TRIM71: variants seen among roughly 807,000 people sequenced by gnomAD.
The protein encoded by TRIM71 is tripartite motif containing 71.
In TRIM71, 9 loss-of-function variants were observed where a neutral mutation model predicts 61.2. The ratio of observed to expected loss-of-function variants is 0.15; its 90% CI spans 0.09 to 0.26. The LOEUF (loss-of-function observed/expected upper bound fraction) is 0.26. Among genes scored for constraint, TRIM71 ranks in the 10% least tolerant of loss-of-function variants. TRIM71 has a pLI of 1.00. For synonymous variants in TRIM71, 645 were observed against 553.2 expected, an observed-to-expected ratio of 1.17 and a Z score of -2.33; for missense variants, 998 against 1,238.7, an observed-to-expected ratio of 0.81 and a Z score of 2.92.
chr3:32,875,304 T>A (rs1696842479), intron 2 of TRIM71, among the ~76,000 whole-genome samples: 1 of 152,244 alleles, frequency 6.6e-6, no homozygotes. Flanking sequence ...CATGTGTAAC[T>A]TTGATAATTG....
At position 32,896,842 on chromosome 3, in the gene TRIM71, A is replaced by G. The variant is rs1293452012; in HGVS notation, c.*5031A>G. On this transcript the variant is annotated 3_prime_UTR_variant, in exon 4 of 4. Transcript: ENST00000383763. ...GACTGAATGTTGATGTGTGTAGCAAAGTGTTTACTTTCTTTAAATAACCAG... is the reference window on the plus strand; with the variant it reads ...GACTGAATGTTGATGTGTGTAGCAAGGTGTTTACTTTCTTTAAATAACCAG... 3 of 152,206 alleles carry G rather than the reference A, an allele frequency of 2.0e-5. No homozygotes were observed. The highest frequency in any genetic ancestry group is 1.5e-5 in the Non-Finnish European group (1 of 68,038). 9.4% of individuals were successfully genotyped at this position (152,206 alleles called of 1,614,324 possible). A position where few individuals can be genotyped will look rare whatever the true frequency, so the allele number is the denominator to read the frequency against.
intron 2 of TRIM71, among the ~76,000 whole-genome samples, chr3:32,879,940 G>A (rs1247279193): frequency 2.6e-5 from 4 of 151,882 alleles, no homozygotes; most frequent in African/African-American, 9.7e-5. Context: ...CAGCCTGGGC[G>A]ACAGAGCAAG....
chr3:32,881,091 T>C (rs1295825041), intron 2 of TRIM71, among the ~76,000 whole-genome samples: 1 of 152,170 alleles, frequency 6.6e-6, no homozygotes, highest in Non-Finnish European at 1.5e-5. Flanking sequence ...CGATTTTGGC[T>C]CACTGCAACT....
intron 1 of TRIM71, among the ~76,000 whole-genome samples, chr3:32,824,287 C>T (rs1696175457): frequency 6.6e-6 from 1 of 151,402 alleles, no homozygotes. Context: ...AAGTGATTCT[C>T]CTGCCTCAGC....
intron 1 of TRIM71, among the ~76,000 whole-genome samples, chr3:32,837,015 A>G (rs1438337873): frequency 6.6e-6 from 1 of 152,070 alleles, no homozygotes; most frequent in African/African-American, 2.4e-5. Context: ...TTTTCCCCCC[A>G]ATTTTTATCT....
At chr3:32,868,026 G>T (rs1039941980) in intron 1 of TRIM71, among the ~76,000 whole-genome samples, 2 of 152,092 alleles carry the variant, frequency 1.3e-5, no homozygotes, top group Non-Finnish European at 2.9e-5. Context: ...AACAGACGCT[G>T]CTGAGACTGC....
chr3:32,871,793 C>T (rs1044188930), intron 1 of TRIM71, among the ~76,000 whole-genome samples: 1 of 152,184 alleles, frequency 6.6e-6, no homozygotes, highest in African/African-American at 2.4e-5. Flanking sequence ...TGGCAAAGCA[C>T]TGCAGTGATC....
intron 1 of TRIM71, among the ~76,000 whole-genome samples, chr3:32,858,187 T>G (rs982212100): frequency 7.9e-5 from 12 of 151,984 alleles, no homozygotes; most frequent in Admixed American, 6.6e-4. Flanking sequence ...TGTTCAAGGG[T>G]CAACTGTATT....
chr3:32,823,666 A>C (rs1045909872), intron 1 of TRIM71, among the ~76,000 whole-genome samples: 1 of 151,170 alleles, frequency 6.6e-6, no homozygotes, highest in Admixed American at 6.6e-5. Flanking sequence ...TGTACTTGAA[A>C]TGGGGAAACC....
Position 32,893,052 on chromosome 3 carries a change from A to C in TRIM71, c.*1241A>C, listed in dbSNP as rs1038208029. ...AAGCACAATTTTTTCCTGCTTTGAA[A>C]GTTCAGGGAAATAGAAGGTTTGAAA... On this transcript the variant is annotated 3_prime_UTR_variant, in exon 4 of 4. Coordinates refer to ENST00000383763, the MANE Select transcript of TRIM71 (RefSeq NM_001039111.3). The C allele has an allele frequency of 1.3e-5, 2 of 152,180 alleles. No individual in the cohort carries two copies. The highest frequency in any genetic ancestry group is 4.8e-5 in the African/African-American group (2 of 41,446). 9.4% of individuals were successfully genotyped at this position (152,180 alleles called of 1,614,324 possible).
At chr3:32,881,341 C>G (rs1333943769) in intron 2 of TRIM71, among the ~76,000 whole-genome samples, 3 of 152,130 alleles carry the variant, frequency 2.0e-5, no homozygotes, top group Non-Finnish European at 4.4e-5. Context: ...TTAGAGTGCA[C>G]CACAGTAGCT....
intron 2 of TRIM71, among the ~76,000 whole-genome samples, chr3:32,874,321 TTATTAC>T (rs372322572): frequency 0.039 from 4,620 of 119,156 alleles, 239 homozygotes; most frequent in African/African-American, 0.14. Flanking sequence ...TGCTTAATGC[TTATTAC>T]TACTACTACT....
intron 1 of TRIM71, among the ~76,000 whole-genome samples, chr3:32,841,576 T>G (rs922890631): frequency 6.6e-6 from 1 of 150,704 alleles, no homozygotes; most frequent in Admixed American, 6.6e-5. Context: ...CCACTGTACT[T>G]CACTGCACTC....
intron 1 of TRIM71, among the ~76,000 whole-genome samples, chr3:32,851,531 T>TA (rs1696538186): frequency 6.6e-6 from 1 of 152,216 alleles, no homozygotes; most frequent in Admixed American, 6.5e-5. Context: ...AGGCTGTAGT[T>TA]ACAGTGGTGT....
Position 32,891,487 on chromosome 3 carries a change from G to C in TRIM71, c.2283G>C (p.Leu761Phe). The change falls in exon 4 of 4, where the codon TTG (leucine) becomes TTC (phenylalanine). Residue 761 changes from leucine (L) to phenylalanine (F), a missense_variant. Physicochemically the swap from Leu to Phe is conservative, Grantham distance 22. Transcript: ENST00000383763. This position sits in a 1 kb window ranked among gnomAD's most constrained non-coding sequence, Gnocchi z 8.2. ...RGVAFNHEGH[L>F]VVTDFNNHRL... ...TGGCCTTCAACCATGAGGGCCACTT[G>C]GTGGTCACTGACTTCAACAACCACC... 1 of 1,613,744 alleles carries C rather than the reference G, an allele frequency of 6.2e-7. No homozygotes were observed. The highest frequency in any genetic ancestry group is 8.5e-7 in the Non-Finnish European group (1 of 1,179,892).
intron 1 of TRIM71, among the ~76,000 whole-genome samples, chr3:32,829,342 A>G (rs6809484): frequency 0.97 from 147,052 of 152,042 alleles, 71,305 homozygotes; most frequent in East Asian, 1. Flanking sequence ...GAGCCACCAC[A>G]CCCAACTAAT....
chr3:32,865,469 G>A (rs1483929417), intron 1 of TRIM71, among the ~76,000 whole-genome samples: 2 of 152,124 alleles, frequency 1.3e-5, no homozygotes, highest in South Asian at 2.1e-4. Context: ...TGGGTTGGGC[G>A]GCAGCAAGAG....
At chr3:32,869,722 C>G (rs867756215) in intron 1 of TRIM71, among the ~76,000 whole-genome samples, 22 of 152,310 alleles carry the variant, frequency 1.4e-4, no homozygotes, top group Middle Eastern at 3.4e-3. Flanking sequence ...GCTCACATTC[C>G]TAGGTCTTTG....
intron 2 of TRIM71, among the ~76,000 whole-genome samples, chr3:32,884,070 G>T (rs1248617560): frequency 1.3e-5 from 2 of 152,188 alleles, no homozygotes; most frequent in Admixed American, 1.3e-4. Flanking sequence ...GGCAGAGAAT[G>T]CAGTGTGGCA....
Sources: gnomAD v4.1 joint callset for allele counts (sites outside exome capture counted in the v4.1 genomes callset) on GRCh38, gnomAD v4.1.1 for gene constraint, Gnocchi (gnomAD v3.1) non-coding constraint, MANE v1.5 for transcripts, NCBI Gene and HGNC (gene_info 2026-07-23, HGNC 2026-07-21) for gene names.